The following RACGAP1 variants were observed in gnomAD, a reference collection of about 807,000 sequenced individuals.
The protein encoded by RACGAP1 is rac GTPase-activating protein 1.
A neutral mutation model predicts 78.1 loss-of-function variants in RACGAP1; 30 were observed. The ratio of observed to expected loss-of-function variants is 0.38; its 90% CI spans 0.29 to 0.52. The LOEUF (loss-of-function observed/expected upper bound fraction) is 0.52, where lower values mean the gene tolerates loss of function less well. Among genes scored for constraint, RACGAP1 ranks in the 20% least tolerant of loss-of-function variants. The pLI, the probability that RACGAP1 is intolerant of heterozygous loss-of-function variation, is 0.82. For missense variants in RACGAP1, 587 were observed against 777.1 expected (o/e 0.76, Z 2.91); for synonymous variants, 231 against 264.8 (o/e 0.87, Z 1.24).
intron 2 of RACGAP1, among the ~76,000 whole-genome samples, chr12:50,015,319 T>C (rs1197144942): frequency 4.6e-5 from 7 of 152,158 alleles, no homozygotes; most frequent in Admixed American, 1.3e-4. Context: ...CAATCCTTAA[T>C]TATTTAGCAT....
rs752381418 is a variant in RACGAP1 at position 50,001,288 on chromosome 12, A to G, written c.550-36T>C. ...GACAAAGACCCGTAACTTTAATGCC[A>G]AGCAGATCTGAAGCACAGAAGATAA... On this transcript the variant is annotated intron_variant, in intron 6 of 16. Transcript: ENST00000312377. 6 of 1,506,162 alleles carry G rather than the reference A, an allele frequency of 4.0e-6. No individual in the cohort carries two copies. The South Asian group carries it at 5.7e-5, about 14-fold the overall frequency. 93.3% of individuals were successfully genotyped at this position (1,506,162 alleles called of 1,614,324 possible).
In RACGAP1 at chr12:50,001,478, A is replaced by G. The variant is rs76725863; in HGVS notation, c.550-226T>C. Among the ~76,000 whole-genome samples the G allele has an allele frequency of 2.0e-5, 3 of 152,338 alleles. No homozygotes were observed. In the East Asian group the frequency reaches 5.8e-4, roughly 29 times the overall value. On this transcript the variant is annotated intron_variant, in intron 6 of 16. Coordinates refer to ENST00000312377, the MANE Select transcript of RACGAP1 (RefSeq NM_001319999.2). The stretch of plus-strand genomic sequence containing the variant: ...AAATGCTCTCAGTGCCCTAGAAAAA[A>G]TGAGCAAGCTATGGAGAAATTTAGA...
chr12:49,992,107 A>C lies in RACGAP1; in HGVS notation c.1605T>G (p.Pro535=), dbSNP rs1947927633. 1.9e-6 allele frequency: 3 copies of C among 1,613,906 alleles called. No homozygotes were observed. Among genetic ancestry groups the C allele is most frequent in the Non-Finnish European group, 2.5e-6 (3 of 1,179,996 alleles). The change falls in exon 15 of 17, where the codon CCT becomes CCG. Residue 535 remains proline (P), a synonymous_variant. Coordinates refer to ENST00000312377, the MANE Select transcript of RACGAP1 (RefSeq NM_001319999.2). ...TCATGAACTGACTCCAATACTCCAG[A>C]GGCAAGGAAAGCAGGCGCTCAACCA... ...PKVVERLLSL[P]LEYWSQFMMV...
In RACGAP1 at chr12:50,015,117, C is replaced by T. The variant is rs145736956; in HGVS notation, c.85+1514G>A. 1.7e-4 allele frequency among the ~76,000 whole-genome samples: 25 copies of T among 150,914 alleles called. No homozygotes were observed. The East Asian group carries it at 4.1e-3, about 25-fold the overall frequency. ...CTGGTCTCAAACTCCTGGACTCAATCGATCCACCCATCTCAGCCCTGCAAA... is the reference window on the plus strand; with the variant it reads ...CTGGTCTCAAACTCCTGGACTCAATTGATCCACCCATCTCAGCCCTGCAAA... On this transcript the variant is annotated intron_variant, in intron 2 of 16. Coordinates refer to ENST00000312377, the MANE Select transcript of RACGAP1 (RefSeq NM_001319999.2).
rs2137336232 is a variant in RACGAP1 at position 49,999,163 on chromosome 12, A to G, written c.857T>C (p.Leu286Pro). Residue 286 changes from leucine (L) to proline (P), a missense_variant, in exon 9 of 17, where the codon CTG becomes CCG. Coordinates refer to ENST00000312377, the MANE Select transcript of RACGAP1 (RefSeq NM_001319999.2). ...GTPQSNGGMR[L>P]HDFVSKTVIK... ...TACCGTCTTAGAAACAAAGTCATGC[A>G]GGCGCATCCCTCCATTACTCTGTGG... 1 of 1,597,016 alleles carries G rather than the reference A, an allele frequency of 6.3e-7. No homozygotes were observed. The highest frequency in any genetic ancestry group is 2.2e-5 in the East Asian group (1 of 44,788).
rs371153920 is a variant in RACGAP1 at position 49,990,783 on chromosome 12, A to G, written c.1724T>C (p.Leu575Pro). The change falls in exon 16 of 17, where the codon CTG (leucine) becomes CCG (proline). Residue 575 changes from leucine (L) to proline (P), a missense_variant. Transcript: ENST00000312377. Reference sequence around the variant, plus strand: ...ATGTTCAGGAGTGGTCACAGGTCCCAGTAAACTCACTTCAAAGTTCAGACA... The same window carrying G: ...ATGTTCAGGAGTGGTCACAGGTCCCGGTAAACTCACTTCAAAGTTCAGACA... The part of the protein sequence containing the change: ...PQTPDIKVSL[L>P]GPVTTPEHQL... 4.5e-5 allele frequency: 73 copies of G among 1,611,786 alleles called. No individual in the cohort carries two copies. Among genetic ancestry groups the G allele is most frequent in the Non-Finnish European group, 5.4e-5 (64 of 1,178,814 alleles).
chr12:49,992,708 G>T, intron 12 of RACGAP1, 53 bp from the exon 13 acceptor site: 1 of 1,420,082 alleles, frequency 7.0e-7, no homozygotes, highest in Non-Finnish European at 9.8e-7. Context: ...CCTTGACAGC[G>T]GGCTTCCAAG....
intron 1 of RACGAP1, among the ~76,000 whole-genome samples, chr12:50,022,355 G>A (rs1427764824): frequency 6.6e-6 from 1 of 152,262 alleles, no homozygotes; most frequent in Admixed American, 6.5e-5. Flanking sequence ...GGCTGAAGCA[G>A]GTGGATGACC....
Position 49,994,735 on chromosome 12 carries a change from A to G in RACGAP1, c.1045-226T>C, listed in dbSNP as rs994236144. On this transcript the variant is annotated intron_variant, in intron 10 of 16. Transcript: ENST00000312377. ...ATATATACCACACTTTTTCTTTTTC[A>G]TATATACACCACACTGTTATGTGAA... is the stretch of plus-strand genomic sequence containing the variant. Among the ~76,000 whole-genome samples the G allele has an allele frequency of 9.2e-5, 14 of 152,296 alleles. No homozygotes were observed. The East Asian group carries it at 9.6e-4, about 10-fold the overall frequency.
At chr12:50,004,099 T>C (rs770847156) in intron 5 of RACGAP1, 136 bp downstream of exon 5, 11 of 1,313,560 alleles carry the variant, frequency 8.4e-6, no homozygotes, top group Non-Finnish European at 9.9e-6. Flanking sequence ...TATTTTAAAT[T>C]GCTAGCTCAG....
intron 6 of RACGAP1, among the ~76,000 whole-genome samples, chr12:50,001,968 C>G (rs1174023435): frequency 6.6e-6 from 1 of 151,188 alleles, no homozygotes; most frequent in Non-Finnish European, 1.5e-5. Flanking sequence ...GGGAGGCCGA[C>G]GCAGGAGAAT....
At chr12:50,001,017 C>T (rs958350807) in intron 7 of RACGAP1, among the ~76,000 whole-genome samples, 155 bp downstream of exon 7, 1 of 152,244 alleles carries the variant, frequency 6.6e-6, no homozygotes, top group Non-Finnish European at 1.5e-5. Flanking sequence ...CATTGCACTC[C>T]AGCCTGGGCT....
At position 50,031,878 on chromosome 12, in the gene RACGAP1, A is replaced by AAAT. The variant is rs965540414; in HGVS notation, c.-194-14_-194-12dup. 14 of 316,266 alleles carry AAAT rather than the reference A, an allele frequency of 4.4e-5. No homozygotes were observed. The East Asian group carries it at 6.9e-4, about 15-fold the overall frequency. The allele number at this position is 316,266 out of a possible 1,614,324, so 19.6% of individuals were successfully genotyped here. ...GCTTGACTTGCTCATCTATAAATGGAAATAATAATAATAATAATACTGCAC... is the reference window on the plus strand; with the variant it reads ...GCTTGACTTGCTCATCTATAAATGGAAATAATAATAATAATAATAATACTGCAC... On this transcript the variant is annotated splice_polypyrimidine_tract_variant and intron_variant, in intron 1 of 3. Transcript: ENST00000548247.
At position 49,992,276 on chromosome 12, in the gene RACGAP1, G is replaced by T; in HGVS notation, c.1547C>A (p.Thr516Lys). 1 of 1,614,108 alleles carries T rather than the reference G, an allele frequency of 6.2e-7. No homozygotes were observed. Among genetic ancestry groups the T allele is most frequent in the Non-Finnish European group, 8.5e-7 (1 of 1,180,036 alleles). Residue 516 changes from threonine (T) to lysine (K), a missense_variant, in exon 14 of 17, where the codon ACA becomes AAA. Thr to Lys is a moderately conservative substitution (Grantham distance 78). Transcript: ENST00000312377. ...AHAVPNPDPV[T>K]MLQDIKRQPK... ...TTGACGCTTGATGTCCTGTAACATT[G>T]TCACTGGGTCTGGATTGGGCACAGC...
At chr12:50,018,531 A>G (rs1296546677) in intron 1 of RACGAP1, 2 of 1,288,472 alleles carry the variant, frequency 1.6e-6, no homozygotes, top group South Asian at 2.5e-5. Flanking sequence ...GTGCTACAGG[A>G]CAGAAACAGG....
chr12:50,008,740 G>A (rs1175991839), intron 2 of RACGAP1, among the ~76,000 whole-genome samples: 1 of 152,022 alleles, frequency 6.6e-6, no homozygotes, highest in African/African-American at 2.4e-5. Context: ...TGATTGACCT[G>A]CCTCAGCCTC....
chr12:50,020,598 T>C (rs910553032), intron 1 of RACGAP1, among the ~76,000 whole-genome samples: 5 of 152,190 alleles, frequency 3.3e-5, no homozygotes, highest in African/African-American at 4.8e-5. Flanking sequence ...CCAAAATCTA[T>C]ATTCTCTCCA....
At chr12:50,025,898 A>G (rs1352101369), upstream of RACGAP1, among the ~76,000 whole-genome samples, 1 of 152,204 alleles carries the variant, frequency 6.6e-6, no homozygotes, top group Admixed American at 6.5e-5. Flanking sequence ...TATCCCTTCC[A>G]TTGATGTATC....
intron 3 of RACGAP1, 144 bp from the exon 4 acceptor site, chr12:50,005,536 A>G: frequency 2.4e-6 from 2 of 838,994 alleles, no homozygotes; most frequent in Non-Finnish European, 3.6e-6. Context: ...CCAATAGCAT[A>G]TTAATTCACA....
Sources: allele counts gnomAD v4.1 joint callset (sites outside exome capture counted in the v4.1 genomes callset), GRCh38; gene constraint gnomAD v4.1.1; transcripts MANE v1.5; gene names NCBI Gene and HGNC (gene_info 2026-07-23, HGNC 2026-07-21).